The following ANKRD46 variants were observed in gnomAD, a reference collection of about 807,000 sequenced individuals.
The protein encoded by ANKRD46 is ankyrin repeat domain-containing protein 46.
In ANKRD46, 13 loss-of-function variants were observed where a neutral mutation model predicts 19.8. The ratio of observed to expected loss-of-function variants is 0.66; its 90% CI spans 0.43 to 1.04. The LOEUF is 1.04. Ranked by LOEUF, ANKRD46 falls within the 50% of genes least tolerant of loss-of-function variation. ANKRD46 has a pLI of 0.00. For synonymous variants in ANKRD46, 91 were observed against 106.9 expected, an observed-to-expected ratio of 0.85 and a Z score of 0.92; for missense variants, 185 against 274.8, an observed-to-expected ratio of 0.67 and a Z score of 2.31.
intron 1 of ANKRD46, chr8:100,551,259 G>A: frequency 6.2e-6 from 3 of 486,004 alleles, no homozygotes; most frequent in South Asian, 1.8e-5. Context: ...GCAGTTGGTG[G>A]TACAGAAGGC....
At position 100,559,361 on chromosome 8, in the gene ANKRD46, C is replaced by G. The variant is rs1812566778; in HGVS notation, c.-131+350G>C. 6.6e-6 allele frequency: 1 copy of G among 152,428 alleles called. No individual in the cohort carries two copies. The highest frequency in any genetic ancestry group is 2.4e-5 in the African/African-American group (1 of 41,448). 9.4% of individuals were successfully genotyped at this position (152,428 alleles called of 1,614,324 possible). Reference sequence around the variant, plus strand: ...TCTCGCCCCGGCCGAGCAGCTGGACCTGCGGCGTGGCTTCCGCGCTCCACC... The same window carrying G: ...TCTCGCCCCGGCCGAGCAGCTGGACGTGCGGCGTGGCTTCCGCGCTCCACC... On this transcript the variant is annotated intron_variant, in intron 1 of 4. Coordinates refer to ENST00000335659, the MANE Select transcript of ANKRD46 (RefSeq NM_001270377.2). The surrounding 1 kb of genome is among the most constrained non-coding windows in gnomAD (Gnocchi z 6.0).
Position 100,522,086 on chromosome 8 carries a change from A to C in ANKRD46, c.*469T>G, listed in dbSNP as rs1811734893. On this transcript the variant is annotated 3_prime_UTR_variant, in exon 5 of 5. Coordinates refer to ENST00000335659, the MANE Select transcript of ANKRD46 (RefSeq NM_001270377.2). ...CACAAGATTTGAAAAAAGTACTTCA[A>C]GTTTTATCTCTTATCCCTAGAGAAA... 1 of 987,082 alleles carries C rather than the reference A, an allele frequency of 1.0e-6. No homozygotes were observed. Among genetic ancestry groups the C allele is most frequent in the Admixed American group, 6.0e-5 (1 of 16,712 alleles). 61.1% of individuals were successfully genotyped at this position (987,082 alleles called of 1,614,324 possible). A position where few individuals can be genotyped will look rare whatever the true frequency, so the allele number is the denominator to read the frequency against.
In ANKRD46 at chr8:100,545,459, T is replaced by C. The variant is rs979610018; in HGVS notation, c.-130-12148A>G. On this transcript the variant is annotated intron_variant, in intron 1 of 4. Transcript: ENST00000335659. The surrounding 1 kb of genome is among the most constrained non-coding windows in gnomAD (Gnocchi z 4.7). ...CTCTTGCCGCCATGTAAGATGTTCC[T>C]TGCTTCCCCATAACCTTCCACCATG... Among the ~76,000 whole-genome samples, 1 of 152,190 alleles carries C rather than the reference T, an allele frequency of 6.6e-6. No homozygotes were observed. The highest frequency in any genetic ancestry group is 1.5e-5 in the Non-Finnish European group (1 of 68,032).
Position 100,522,506 on chromosome 8 carries a change from T to C in ANKRD46, c.*49A>G, listed in dbSNP as rs1414191385. 3 of 1,601,526 alleles carry C rather than the reference T, an allele frequency of 1.9e-6. No homozygotes were observed. Among genetic ancestry groups the C allele is most frequent in the Admixed American group, 3.4e-5 (2 of 58,590 alleles). ...ATTCTGAGAAACTGAGAACAAACAT[T>C]GGAAGCCAGGAAACAGGCAATTAAT... is the stretch of plus-strand genomic sequence containing the variant. On this transcript the variant is annotated 3_prime_UTR_variant, in exon 5 of 5. Coordinates refer to ENST00000335659, the MANE Select transcript of ANKRD46 (RefSeq NM_001270377.2).
chr8:100,553,953 A>T (rs1178495309), intron 1 of ANKRD46, among the ~76,000 whole-genome samples: 1 of 152,248 alleles, frequency 6.6e-6, no homozygotes, highest in African/African-American at 2.4e-5. Flanking sequence ...TTTCTGATTT[A>T]CTTGGTACCA....
At position 100,527,558 on chromosome 8, in the gene ANKRD46, T is replaced by C. The variant is rs1472498403; in HGVS notation, c.470+287A>G. Among the ~76,000 whole-genome samples the C allele has an allele frequency of 1.3e-5, 2 of 152,238 alleles. No homozygotes were observed. The highest frequency in any genetic ancestry group is 2.9e-5 in the Non-Finnish European group (2 of 68,036). On this transcript the variant is annotated intron_variant, in intron 4 of 4. Coordinates refer to ENST00000335659, the MANE Select transcript of ANKRD46 (RefSeq NM_001270377.2). This position sits in a 1 kb window ranked among gnomAD's most constrained non-coding sequence, Gnocchi z 4.0. The stretch of plus-strand genomic sequence containing the variant: ...CAGAACATTATGCGCACATGACATG[T>C]AGTACTTTCTGTTAATAGCTTCTCA...
At chr8:100,535,005 G>A (rs1812036231) in intron 1 of ANKRD46, among the ~76,000 whole-genome samples, 2 of 152,190 alleles carry the variant, frequency 1.3e-5, no homozygotes, top group South Asian at 4.1e-4. Flanking sequence ...GACCTCAGGT[G>A]ATCCACCCAC....
intron 1 of ANKRD46, among the ~76,000 whole-genome samples, chr8:100,555,930 T>C (rs746760950): frequency 6.6e-6 from 1 of 152,198 alleles, no homozygotes; most frequent in Non-Finnish European, 1.5e-5. Flanking sequence ...CAGGATGGTG[T>C]AAATCTGGTA....
chr8:100,528,579 G>C (rs555429149), intron 3 of ANKRD46, among the ~76,000 whole-genome samples: 63 of 149,876 alleles, frequency 4.2e-4, no homozygotes, highest in African/African-American at 1.5e-3. Flanking sequence ...CAAAAAAGTG[G>C]ATAAATCTAG....
chr8:100,545,577 T>C lies in ANKRD46; in HGVS notation c.-130-12266A>G, dbSNP rs377638738. Among the ~76,000 whole-genome samples the C allele has an allele frequency of 2.0e-5, 3 of 152,172 alleles. No homozygotes were observed. The highest frequency in any genetic ancestry group is 3.9e-4 in the East Asian group (2 of 5,194). On this transcript the variant is annotated intron_variant, in intron 1 of 4. Transcript: ENST00000335659. The surrounding 1 kb of genome is among the most constrained non-coding windows in gnomAD (Gnocchi z 4.7). ...ATTACCCAGCCTCAAGTAGTAACTT[T>C]ATAGCAGTGTGAAAACAGACTAATA...
rs1483489174 is a variant in ANKRD46, at chr8:100,521,044, CTTTG to C, written c.*1507_*1510del. 6.1e-6 allele frequency: 6 copies of C among 985,026 alleles called. No individual in the cohort carries two copies. The African/African-American group carries it at 1.1e-4, about 17-fold the overall frequency. The allele number at this position is 985,026 out of a possible 1,614,324, so 61.0% of individuals were successfully genotyped here. On this transcript the variant is annotated 3_prime_UTR_variant, in exon 5 of 5. Transcript: ENST00000335659. ...CTGGATTTACACCAACTATGATTTA[CTTTG>C]TTTGTATCTAACCTAAAAGCAAGAC...
At chr8:100,539,468 T>C (rs1203412361) in intron 1 of ANKRD46, among the ~76,000 whole-genome samples, 1 of 152,240 alleles carries the variant, frequency 6.6e-6, no homozygotes, top group African/African-American at 2.4e-5. Context: ...CTGAATTTTA[T>C]TTCCAAGGCT....
At chr8:100,535,319 A>G (rs184035980) in intron 1 of ANKRD46, among the ~76,000 whole-genome samples, 1 of 152,326 alleles carries the variant, frequency 6.6e-6, no homozygotes, top group East Asian at 1.9e-4. Context: ...AGGACTAAAG[A>G]CTTTTTTAAA....
In ANKRD46 at chr8:100,532,243, A is replaced by G. The variant is rs1811978790; in HGVS notation, c.-28+966T>C. On this transcript the variant is annotated intron_variant, in intron 2 of 4. Transcript: ENST00000335659. The surrounding 1 kb of genome is among the most constrained non-coding windows in gnomAD (Gnocchi z 4.7). Reference sequence around the variant, plus strand: ...TACTTTGGAAGGCCAAAATGGGAGGATAGCTTGAAGCCCAGGAGTTCGAAA... The same window carrying G: ...TACTTTGGAAGGCCAAAATGGGAGGGTAGCTTGAAGCCCAGGAGTTCGAAA... The G allele has an allele frequency of 6.6e-6, 1 of 152,260 alleles. No homozygotes were observed. The highest frequency in any genetic ancestry group is 2.1e-4 in the South Asian group (1 of 4,828). The allele number at this position is 152,260 out of a possible 1,614,324, so 9.4% of individuals were successfully genotyped here. A position where few individuals can be genotyped will look rare whatever the true frequency, so the allele number is the denominator to read the frequency against.
intron 2 of ANKRD46, among the ~76,000 whole-genome samples, chr8:100,530,122 G>T (rs1025932420): frequency 1.8e-4 from 27 of 152,280 alleles, no homozygotes; most frequent in African/African-American, 6.3e-4. Flanking sequence ...AAGATTAAGA[G>T]ATATTTTTAA....
Position 100,522,100 on chromosome 8 carries a change from T to A in ANKRD46, c.*455A>T. On this transcript the variant is annotated 3_prime_UTR_variant, in exon 5 of 5. Coordinates refer to ENST00000335659, the MANE Select transcript of ANKRD46 (RefSeq NM_001270377.2). Reference sequence around the variant, plus strand: ...AAAGTACTTCAAGTTTTATCTCTTATCCCTAGAGAAAGTAAATAAAAAGTG... The same window carrying A: ...AAAGTACTTCAAGTTTTATCTCTTAACCCTAGAGAAAGTAAATAAAAAGTG... 1 of 989,878 alleles carries A rather than the reference T, an allele frequency of 1.0e-6. No individual in the cohort carries two copies. The highest frequency in any genetic ancestry group is 1.2e-6 in the Non-Finnish European group (1 of 832,304). The allele number at this position is 989,878 out of a possible 1,614,324, so 61.3% of individuals were successfully genotyped here.
chr8:100,516,146 A>G (rs1188787038), downstream of ANKRD46, among the ~76,000 whole-genome samples: 1 of 152,196 alleles, frequency 6.6e-6, no homozygotes. Flanking sequence ...TGCTGGGATT[A>G]CAAGTGTGAG....
In ANKRD46 at chr8:100,510,345, A is replaced by G; in HGVS notation, c.*232T>C. The G allele has an allele frequency of 2.4e-6, 1 of 413,072 alleles. No homozygotes were observed. The highest frequency in any genetic ancestry group is 2.0e-5 in the African/African-American group (1 of 49,352). 25.6% of individuals were successfully genotyped at this position (413,072 alleles called of 1,614,324 possible). A position where few individuals can be genotyped will look rare whatever the true frequency, so the allele number is the denominator to read the frequency against. Reference sequence around the variant, plus strand: ...GGATGGTTCCTGGAGCTCCATCTTGAGGATCTGGGAGGCCAGGAAGACAGC... The same window carrying G: ...GGATGGTTCCTGGAGCTCCATCTTGGGGATCTGGGAGGCCAGGAAGACAGC... On this transcript the variant is annotated 3_prime_UTR_variant, in exon 6 of 6. Coordinates refer to the ANKRD46 transcript ENST00000520552. This position sits in a 1 kb window ranked among gnomAD's most constrained non-coding sequence, Gnocchi z 4.9.
rs748882516 is a variant in ANKRD46 at position 100,529,636 on chromosome 8, T to C, written c.198A>G (p.Lys66=). 6.2e-7 allele frequency: 1 copy of C among 1,614,154 alleles called. No individual in the cohort carries two copies. The highest frequency in any genetic ancestry group is 1.1e-5 in the South Asian group (1 of 91,092). ...CTGTGGCCAGAAGATCGGCACCGAA[T>C]TTATGCAGTAACTGGCAGATGTCTA... is the stretch of plus-strand genomic sequence containing the variant. ...GNVDICQLLH[K]FGADLLATDY... The change falls in exon 3 of 5, where the codon AAA becomes AAG. Residue 66 remains lysine (K), a synonymous_variant. Coordinates refer to ENST00000335659, the MANE Select transcript of ANKRD46 (RefSeq NM_001270377.2). The surrounding 1 kb of genome is among the most constrained non-coding windows in gnomAD (Gnocchi z 5.8).
Sources: allele counts gnomAD v4.1 joint callset (sites outside exome capture counted in the v4.1 genomes callset), GRCh38; gene constraint gnomAD v4.1.1; non-coding constraint Gnocchi (gnomAD v3.1); transcripts MANE v1.5; gene names NCBI Gene and HGNC (gene_info 2026-07-23, HGNC 2026-07-21).